Variants in HECW1 observed in about 807,000 individuals in gnomAD.
The protein encoded by HECW1 is HECT, C2 and WW domain containing E3 ubiquitin protein ligase 1.
In HECW1, 61 loss-of-function variants were observed where a neutral mutation model predicts 182.3. The observed-to-expected ratio is 0.33, with a 90% confidence interval of 0.27 to 0.41. The LOEUF (loss-of-function observed/expected upper bound fraction) is 0.41. HECW1 is among the 10% of genes least tolerant of loss of function. The pLI is 1.00. For synonymous variants in HECW1, 859 were observed against 832.6 expected, an observed-to-expected ratio of 1.03 and a Z score of -0.55; for missense variants, 1,739 against 2,108.9, an observed-to-expected ratio of 0.82 and a Z score of 3.44.
intron 5 of HECW1, among the ~76,000 whole-genome samples, chr7:43,331,302 G>A (rs1811452147): frequency 6.6e-6 from 1 of 152,032 alleles, no homozygotes; most frequent in African/African-American, 2.4e-5. Flanking sequence ...ATGTAAGATC[G>A]GGGTGGGGCC....
intron 16 of HECW1, among the ~76,000 whole-genome samples, chr7:43,469,942 C>T (rs1027491543): frequency 1.3e-5 from 2 of 152,126 alleles, no homozygotes; most frequent in African/African-American, 4.8e-5. Flanking sequence ...ATCAATGTCC[C>T]CTCGAAGCCA....
At chr7:43,306,863 C>A (rs1807634067) in intron 3 of HECW1, among the ~76,000 whole-genome samples, 1 of 151,948 alleles carries the variant, frequency 6.6e-6, no homozygotes, top group Non-Finnish European at 1.5e-5. Context: ...TGTTTTTTTA[C>A]AGGTTTTGTT....
intron 2 of HECW1, among the ~76,000 whole-genome samples, chr7:43,152,048 A>G (rs565569598): frequency 1.2e-4 from 18 of 152,358 alleles, no homozygotes; most frequent in African/African-American, 3.8e-4. Flanking sequence ...CTCATTTACC[A>G]CACTAATTGC....
intron 5 of HECW1, among the ~76,000 whole-genome samples, chr7:43,344,492 T>C (rs1272341467): frequency 1.3e-5 from 2 of 152,124 alleles, no homozygotes; most frequent in East Asian, 3.8e-4. Context: ...TTTTCCTTCA[T>C]TGGATGATGA....
At chr7:43,387,180 C>T (rs2074833975) in intron 6 of HECW1, among the ~76,000 whole-genome samples, 1 of 152,130 alleles carries the variant, frequency 6.6e-6, no homozygotes, top group Admixed American at 6.6e-5. Context: ...ACCACCAATC[C>T]CATTGTTCTC....
chr7:43,247,122 A>C (rs531639593), intron 3 of HECW1, among the ~76,000 whole-genome samples: 1 of 152,346 alleles, frequency 6.6e-6, no homozygotes, highest in East Asian at 1.9e-4. Flanking sequence ...CTAGAAAATC[A>C]GTTCCTCTGG....
intron 24 of HECW1, among the ~76,000 whole-genome samples, chr7:43,527,866 A>C (rs994990399): frequency 6.6e-6 from 1 of 152,230 alleles, no homozygotes; most frequent in Non-Finnish European, 1.5e-5. Flanking sequence ...AGGTAAACAG[A>C]GAAACCAGTG....
chr7:43,447,483 C>G (rs914368876), intron 11 of HECW1, among the ~76,000 whole-genome samples: 6 of 152,150 alleles, frequency 3.9e-5, no homozygotes, highest in African/African-American at 1.2e-4. Context: ...AGTGTAAACT[C>G]AGAAAAGGTT....
At chr7:43,390,692 TTGTTTTAAG>T (rs1323465723) in intron 6 of HECW1, among the ~76,000 whole-genome samples, 3 of 152,080 alleles carry the variant, frequency 2.0e-5, no homozygotes, top group African/African-American at 7.3e-5. Flanking sequence ...TCTGAAACTC[TTGTTTTAAG>T]TCTTTCAGAC....
intron 3 of HECW1, among the ~76,000 whole-genome samples, chr7:43,264,973 A>G (rs766335950): frequency 9.2e-5 from 14 of 151,508 alleles, no homozygotes; most frequent in Non-Finnish European, 1.9e-4. Context: ...ATTTTTTCTT[A>G]TTTACCGTGA....
At chr7:43,528,187 T>C (rs1363078066) in intron 24 of HECW1, among the ~76,000 whole-genome samples, 2 of 152,212 alleles carry the variant, frequency 1.3e-5, no homozygotes, top group Non-Finnish European at 2.9e-5. Flanking sequence ...GCATCCATGA[T>C]ATCGCAAAAC....
intron 5 of HECW1, among the ~76,000 whole-genome samples, chr7:43,336,546 A>T (rs1186390559): frequency 6.6e-6 from 1 of 151,616 alleles, no homozygotes; most frequent in African/African-American, 2.4e-5. Context: ...TTTCTTGTTT[A>T]TTTTCTCTTA....
At chr7:43,173,035 G>A (rs1029121799) in intron 2 of HECW1, among the ~76,000 whole-genome samples, 5 of 152,124 alleles carry the variant, frequency 3.3e-5, no homozygotes, top group African/African-American at 7.2e-5. Context: ...AGAAGCCTCC[G>A]CGTTCAGACA....
chr7:43,557,538 T>A (rs933764076), intron 29 of HECW1, among the ~76,000 whole-genome samples: 2 of 152,162 alleles, frequency 1.3e-5, no homozygotes, highest in East Asian at 3.8e-4. Context: ...GGAGTTGAGG[T>A]CAAGGAACTG....
intron 18 of HECW1, 55 bp downstream of exon 18, chr7:43,492,235 T>C (rs1326792137): frequency 4.8e-6 from 6 of 1,253,468 alleles, no homozygotes; most frequent in Middle Eastern, 1.9e-4. Context: ...CACCTAGACT[T>C]GATTTTTTGT....
At chr7:43,238,291 A>T (rs2152715034) in intron 2 of HECW1, among the ~76,000 whole-genome samples, 1 of 152,292 alleles carries the variant, frequency 6.6e-6, no homozygotes, top group East Asian at 1.9e-4. Flanking sequence ...CTGGCACCAG[A>T]GTGGGTGCTG....
At chr7:43,231,329 C>T (rs1271590642) in intron 2 of HECW1, among the ~76,000 whole-genome samples, 3 of 152,204 alleles carry the variant, frequency 2.0e-5, no homozygotes, top group African/African-American at 7.2e-5. Context: ...CTGAAAGCAT[C>T]CCTGTTGGTG....
intron 2 of HECW1, among the ~76,000 whole-genome samples, chr7:43,197,744 G>A (rs1054159917): frequency 6.6e-6 from 1 of 152,106 alleles, no homozygotes; most frequent in African/African-American, 2.4e-5. Flanking sequence ...GACGAACACA[G>A]ACCGCTTCCA....
chr7:43,288,613 C>T (rs1804977061), intron 3 of HECW1, among the ~76,000 whole-genome samples: 1 of 152,170 alleles, frequency 6.6e-6, no homozygotes, highest in African/African-American at 2.4e-5. Context: ...CCAGGCTTGT[C>T]TCTGAGTGGA....
Sources: allele counts gnomAD v4.1 joint callset (sites outside exome capture counted in the v4.1 genomes callset), GRCh38; gene constraint gnomAD v4.1.1; transcripts MANE v1.5; gene names NCBI Gene and HGNC (gene_info 2026-07-23, HGNC 2026-07-21).